BRD1: variants seen among roughly 807,000 people sequenced by gnomAD.
BRD1 encodes the protein bromodomain-containing protein 1.
A neutral mutation model predicts 107.7 loss-of-function variants in BRD1; 24 were observed. That is an observed-to-expected ratio of 0.22 (90% CI 0.16 to 0.31). The LOEUF (loss-of-function observed/expected upper bound fraction) is 0.31, where lower values mean the gene tolerates loss of function less well. Ranked by LOEUF, BRD1 falls within the 10% of genes least tolerant of loss-of-function variation. The pLI, the probability that BRD1 is intolerant of heterozygous loss-of-function variation, is 1.00. For missense variants in BRD1, 1,279 were observed against 1,638.6 expected (o/e 0.78, Z 3.79); for synonymous variants, 744 against 686.1 (o/e 1.08, Z -1.32).
At chr22:49,795,232 C>A (rs902750302) in intron 6 of BRD1, among the ~76,000 whole-genome samples, 2 of 152,146 alleles carry the variant, frequency 1.3e-5, no homozygotes, top group Non-Finnish European at 2.9e-5. Context: ...AAGAAGAAAG[C>A]CTCGAAACGT....
In BRD1 at chr22:49,819,330, G is replaced by A. The variant is rs958336532; in HGVS notation, c.1367+3621C>T. 3.3e-5 allele frequency among the ~76,000 whole-genome samples: 5 copies of A among 152,030 alleles called. No individual in the cohort carries two copies. In the South Asian group the frequency reaches 1.0e-3, roughly 32 times the overall value. ...TGTAAGGCCAGGCATGGTGGCTCAC[G>A]CCTGTAATCTCAGCACTTTGGGAGG... On this transcript the variant is annotated intron_variant, in intron 2 of 12. Coordinates refer to ENST00000404760, the MANE Select transcript of BRD1 (RefSeq NM_001304808.3).
chr22:49,776,061 A>G lies in BRD1; in HGVS notation c.3220T>C (p.Tyr1074His). Residue 1074 changes from tyrosine to histidine, a missense_variant, in exon 11 of 13, where the codon TAC becomes CAC. This residue lies in a region of BRD1 where 136 missense variants were observed against 196.8 expected (regional missense o/e 0.69). Transcript: ENST00000404760. ...VWAKCSGYPS[Y>H]PALIIDPKMP... ...AGAGCCGTACTCACCAGTGCCGGGT[A>G]GGAGGGGTAGCCGCTGCACTTGGCC... 6.3e-7 allele frequency: 1 copy of G among 1,597,896 alleles called. No individual in the cohort carries two copies.
chr22:49,775,878 GCCGAACCACCCCTGCCCCTTC>G (rs1569080007), intron 11 of BRD1, 133 bp from the exon 12 acceptor site: 35 of 801,032 alleles, frequency 4.4e-5, no homozygotes, highest in Middle Eastern at 5.1e-4. Flanking sequence ...CGCCCCCCTC[GCCGAACCACCCCTGCCCCTTC>G]CAGCTGTGTG....
At chr22:49,776,943 C>G in intron 10 of BRD1, 91 bp downstream of exon 10, 5 of 1,558,634 alleles carry the variant, frequency 3.2e-6, no homozygotes, top group Non-Finnish European at 4.4e-6. Context: ...GCACCATGCT[C>G]CCTGAGCCGG....
At chr22:49,808,498 C>G (rs115686140) in intron 2 of BRD1, among the ~76,000 whole-genome samples, 1 of 152,084 alleles carries the variant, frequency 6.6e-6, no homozygotes, top group Non-Finnish European at 1.5e-5. Context: ...GGGAGTAGAA[C>G]GGTGAACGCC....
intron 8 of BRD1, among the ~76,000 whole-genome samples, chr22:49,782,831 C>G (rs952056239): frequency 1.4e-5 from 2 of 142,332 alleles, no homozygotes; most frequent in Non-Finnish European, 3.0e-5. Context: ...CAGAGACAGA[C>G]CCAAGGCCCA....
chr22:49,820,165 T>C (rs1215212991), intron 2 of BRD1, among the ~76,000 whole-genome samples: 2 of 152,164 alleles, frequency 1.3e-5, no homozygotes, highest in African/African-American at 2.4e-5. Flanking sequence ...CTATCTTTTT[T>C]ACTTGAAATT....
At position 49,803,939 on chromosome 22, in the gene BRD1, G is replaced by A. The variant is rs1033590413; in HGVS notation, c.1524+265C>T. On this transcript the variant is annotated intron_variant, in intron 3 of 12. Coordinates refer to ENST00000404760, the MANE Select transcript of BRD1 (RefSeq NM_001304808.3). This position sits in a 1 kb window ranked among gnomAD's most constrained non-coding sequence, Gnocchi z 4.4. ...GGCCACTGCCCATCAGCGTGTGTGCGGGCAGGGCAGGGCGGGGGAGCGCAA... is the reference window on the plus strand; with the variant it reads ...GGCCACTGCCCATCAGCGTGTGTGCAGGCAGGGCAGGGCGGGGGAGCGCAA... 1.3e-5 allele frequency among the ~76,000 whole-genome samples: 2 copies of A among 152,320 alleles called. No homozygotes were observed. The highest frequency in any genetic ancestry group is 3.9e-4 in the East Asian group (2 of 5,190).
At chr22:49,775,503 C>T (rs930622265) in intron 12 of BRD1, 88 bp downstream of exon 12, 1 of 1,226,588 alleles carries the variant, frequency 8.2e-7, no homozygotes, top group Non-Finnish European at 1.0e-6. Flanking sequence ...GACAAAGACG[C>T]TGCTCACCAC....
chr22:49,816,582 C>T (rs564246728), intron 2 of BRD1, among the ~76,000 whole-genome samples: 1 of 152,308 alleles, frequency 6.6e-6, no homozygotes, highest in South Asian at 2.1e-4. Flanking sequence ...AGTCAACATA[C>T]TACCCTCCAG....
At position 49,774,036 on chromosome 22, in the gene BRD1, G is replaced by A. The variant is rs74362794; in HGVS notation, c.*197C>T. On this transcript the variant is annotated 3_prime_UTR_variant, in exon 13 of 13. Coordinates refer to ENST00000404760, the MANE Select transcript of BRD1 (RefSeq NM_001304808.3). ...GTGCGACAGACGCACTGGGCTGCCCGGACGTGCCCACCCCACTCACAGCGC... is the reference window on the plus strand; with the variant it reads ...GTGCGACAGACGCACTGGGCTGCCCAGACGTGCCCACCCCACTCACAGCGC... 2,295 of 630,072 alleles carry A rather than the reference G, an allele frequency of 3.6e-3. 41 individuals are homozygous for A. In the African/African-American group the frequency reaches 0.037, roughly 10 times the overall value. The allele number at this position is 630,072 out of a possible 1,614,324, so 39.0% of individuals were successfully genotyped here.
At chr22:49,801,869 C>T (rs1308871420) in intron 3 of BRD1, among the ~76,000 whole-genome samples, 1 of 152,228 alleles carries the variant, frequency 6.6e-6, no homozygotes, top group African/African-American at 2.4e-5. Context: ...TGCCTGGGTC[C>T]CCGTGGCCCC....
chr22:49,801,766 G>A (rs2059645801), intron 3 of BRD1, among the ~76,000 whole-genome samples: 1 of 152,198 alleles, frequency 6.6e-6, no homozygotes. Context: ...GAAGCAGAGG[G>A]GGCCCAGCTG....
chr22:49,786,686 T>C (rs551644727), intron 8 of BRD1, among the ~76,000 whole-genome samples: 1 of 152,266 alleles, frequency 6.6e-6, no homozygotes, highest in African/African-American at 2.4e-5. Flanking sequence ...CAAGGAGACC[T>C]GACTGAGGGT....
chr22:49,780,453 AC>A (rs1258162151), intron 8 of BRD1, among the ~76,000 whole-genome samples: 1 of 152,112 alleles, frequency 6.6e-6, no homozygotes, highest in African/African-American at 2.4e-5. Context: ...CAACCGAGAC[AC>A]CACCCAGCAG....
Position 49,773,966 on chromosome 22 carries a change from A to C in BRD1, c.*267T>G. 1 of 338,946 alleles carries C rather than the reference A, an allele frequency of 3.0e-6. No homozygotes were observed. Among genetic ancestry groups the C allele is most frequent in the Non-Finnish European group, 5.3e-6 (1 of 187,754 alleles). The allele number at this position is 338,946 out of a possible 1,614,324, so 21.0% of individuals were successfully genotyped here. A position where few individuals can be genotyped will look rare whatever the true frequency, so the allele number is the denominator to read the frequency against. On this transcript the variant is annotated 3_prime_UTR_variant, in exon 13 of 13. Transcript: ENST00000404760. ...AAACATTCAAAAGTCTTTAAGAAAA[A>C]GCTACATATCAAAGAAAGTGACGCC...
chr22:49,787,299 A>AACCCCCCCC (rs2059344927), intron 8 of BRD1, 91 bp downstream of exon 8: 125 of 546,670 alleles, frequency 2.3e-4, no homozygotes, highest in Admixed American at 1.2e-3. Context: ...GAAGCTGGAC[A>AACCCCCCCC]CCCCCCCCCC....
At chr22:49,777,291 G>GC (rs1601600016) in intron 9 of BRD1, 130 bp from the exon 10 acceptor site, 2 of 1,393,504 alleles carry the variant, frequency 1.4e-6, no homozygotes, top group Non-Finnish European at 2.0e-6. Flanking sequence ...GGCCAGACGG[G>GC]CCTGTGGGTG....
chr22:49,778,949 T>C (rs138829), intron 8 of BRD1, among the ~76,000 whole-genome samples: 15,183 of 152,238 alleles, frequency 0.1, 796 homozygotes, highest in South Asian at 0.11. Context: ...GCATGAGCCA[T>C]GACACCCGGC....
Sources: allele counts gnomAD v4.1 joint callset (sites outside exome capture counted in the v4.1 genomes callset), GRCh38; gene constraint gnomAD v4.1.1; regional missense constraint gnomAD v4.1.1; non-coding constraint Gnocchi (gnomAD v3.1); transcripts MANE v1.5; gene names NCBI Gene and HGNC (gene_info 2026-07-23, HGNC 2026-07-21).